Variants in TTC23 observed in about 807,000 individuals in gnomAD.
The protein encoded by TTC23 is tetratricopeptide repeat protein 23.
In TTC23, 58 loss-of-function variants were observed where a neutral mutation model predicts 55.1. That is an observed-to-expected ratio of 1.05 (90% CI 0.85 to 1.31). The LOEUF (loss-of-function observed/expected upper bound fraction) is 1.31. TTC23 is among the 50% of genes most tolerant of loss of function. TTC23 has a pLI of 0.00. For missense variants in TTC23, 516 were observed against 534.4 expected, an observed-to-expected ratio of 0.97 and a Z score of 0.34; for synonymous variants, 203 against 199.9, an observed-to-expected ratio of 1.02 and a Z score of -0.13.
chr15:99,148,778 G>A (rs2069311584), intron 12 of TTC23: 1 of 152,208 alleles, frequency 6.6e-6, no homozygotes, highest in Admixed American at 6.5e-5. Context: ...ACAAGTAGGT[G>A]AACTTTTGCT....
At chr15:99,207,574 C>T (rs186798546) in intron 8 of TTC23, among the ~76,000 whole-genome samples, 4 of 151,980 alleles carry the variant, frequency 2.6e-5, no homozygotes, top group Non-Finnish European at 5.9e-5. Flanking sequence ...AGCCTGGCCA[C>T]GGTGAAACCC....
chr15:99,179,224 A>G lies in TTC23; in HGVS notation c.760-4069T>C, dbSNP rs568631786. 8.6e-5 allele frequency among the ~76,000 whole-genome samples: 13 copies of G among 151,964 alleles called. No individual in the cohort carries two copies. The South Asian group carries it at 1.2e-3, about 15-fold the overall frequency. The stretch of plus-strand genomic sequence containing the variant: ...CTCAGGTGCCCAGTCCCTGGGTCAC[A>G]CTCCAGACCTCATCATCGCCCACTC... On this transcript the variant is annotated intron_variant, in intron 9 of 13. Transcript: ENST00000394132.
At chr15:99,187,469 C>CAA (rs1451783999) in intron 9 of TTC23, among the ~76,000 whole-genome samples, 6 of 110,646 alleles carry the variant, frequency 5.4e-5, no homozygotes, top group African/African-American at 1.0e-4. Flanking sequence ...AAAAAAAAAA[C>CAA]AAAACAAAAG....
chr15:99,202,867 C>T (rs2076310077), intron 8 of TTC23, among the ~76,000 whole-genome samples: 2 of 152,178 alleles, frequency 1.3e-5, no homozygotes, highest in African/African-American at 2.4e-5. Context: ...ACCTTGGTTC[C>T]GTCATCTGAA....
intron 4 of TTC23, among the ~76,000 whole-genome samples, chr15:99,230,952 A>G (rs1477426211): frequency 6.6e-6 from 1 of 152,364 alleles, no homozygotes; most frequent in South Asian, 2.1e-4. Context: ...GGCTGCTTCC[A>G]TATTACAATC....
rs782445445 is a variant in TTC23, at chr15:99,138,033, G to GGGCCT, written c.1316_1320dup (p.Thr444ProfsTer23). 3.1e-6 allele frequency: 5 copies of GGGCCT among 1,614,048 alleles called. No homozygotes were observed. In the Admixed American group the frequency reaches 8.3e-5, roughly 27 times the overall value. On this transcript the variant is annotated frameshift_variant, in exon 14 of 14. Coordinates refer to ENST00000394132, the MANE Select transcript of TTC23 (RefSeq NM_001288615.3). LOFTEE classifies it high-confidence loss of function. ...CCTCAGTCTGCTGTTGTGCCGGGCC[G>GGGCCT]GGCCTTCCCCAGCAGGGTGTCCTGA...
At chr15:99,194,469 C>A (rs751386226) in intron 9 of TTC23, among the ~76,000 whole-genome samples, 9 of 142,038 alleles carry the variant, frequency 6.3e-5, no homozygotes, top group Non-Finnish European at 1.4e-4. Context: ...GTCCACTGAT[C>A]TTTGGCAAAG....
At chr15:99,168,188 T>C (rs1014581348) in intron 10 of TTC23, among the ~76,000 whole-genome samples, 1 of 152,160 alleles carries the variant, frequency 6.6e-6, no homozygotes, top group African/African-American at 2.4e-5. Context: ...TGCTACTCAC[T>C]AGCTGTGTGA....
chr15:99,177,030 G>A (rs114992698), intron 9 of TTC23, among the ~76,000 whole-genome samples: 1 of 152,260 alleles, frequency 6.6e-6, no homozygotes, highest in African/African-American at 2.4e-5. Context: ...CATCCCAGTT[G>A]AGCATTCTAG....
intron 9 of TTC23, among the ~76,000 whole-genome samples, chr15:99,185,060 A>G (rs756646429): frequency 2.6e-5 from 4 of 152,116 alleles, no homozygotes; most frequent in Non-Finnish European, 5.9e-5. Context: ...AGGCCTCCCT[A>G]GTCATACAAA....
intron 12 of TTC23, among the ~76,000 whole-genome samples, chr15:99,152,011 T>C (rs184853597): frequency 1.3e-5 from 2 of 152,256 alleles, no homozygotes; most frequent in African/African-American, 4.8e-5. Flanking sequence ...CCCAATCTCA[T>C]GTTGAATTAT....
At chr15:99,158,693 C>T (rs186604564) in intron 11 of TTC23, 4 of 152,430 alleles carry the variant, frequency 2.6e-5, no homozygotes, top group East Asian at 1.9e-4. Flanking sequence ...CCTTCACTTA[C>T]ATTTTACCTT....
At chr15:99,141,968 T>C (rs781964972) in intron 12 of TTC23, among the ~76,000 whole-genome samples, 8 of 152,206 alleles carry the variant, frequency 5.3e-5, no homozygotes, top group Non-Finnish European at 1.2e-4. Flanking sequence ...CCTGTCCCTC[T>C]GTCCAACAAG....
chr15:99,171,298 G>A lies in TTC23; in HGVS notation c.865+3752C>T, dbSNP rs2072887707. Among the ~76,000 whole-genome samples the A allele has an allele frequency of 3.3e-5, 5 of 152,140 alleles. No individual in the cohort carries two copies. In the South Asian group the frequency reaches 1.0e-3, roughly 32 times the overall value. On this transcript the variant is annotated intron_variant, in intron 10 of 13. Coordinates refer to ENST00000394132, the MANE Select transcript of TTC23 (RefSeq NM_001288615.3). ...CCTAGGAGCACCATACAGACTGATG[G>A]GGACTTGGTCCTTTTGGGGTAGAAC...
chr15:99,248,519 C>T (rs1366227946), intron 1 of TTC23, among the ~76,000 whole-genome samples: 1 of 152,206 alleles, frequency 6.6e-6, no homozygotes, highest in Non-Finnish European at 1.5e-5. Flanking sequence ...TGAAATTCTG[C>T]CCATTGCTCA....
chr15:99,186,132 A>G (rs1193654776), intron 9 of TTC23, among the ~76,000 whole-genome samples: 1 of 152,248 alleles, frequency 6.6e-6, no homozygotes, highest in Admixed American at 6.5e-5. Flanking sequence ...AAAATGTTTA[A>G]TAATTACTGT....
At chr15:99,180,064 C>T (rs1031855591) in intron 9 of TTC23, among the ~76,000 whole-genome samples, 5 of 152,186 alleles carry the variant, frequency 3.3e-5, no homozygotes, top group African/African-American at 1.2e-4. Context: ...GCTTGCCTCT[C>T]CTGGATTTCT....
chr15:99,215,376 ATGAT>A (rs1466801021), intron 8 of TTC23, among the ~76,000 whole-genome samples: 1 of 152,128 alleles, frequency 6.6e-6, no homozygotes, highest in Non-Finnish European at 1.5e-5. Flanking sequence ...AAGTGGTTAA[ATGAT>A]TAATTTACAA....
At chr15:99,165,599 T>A (rs2071967597) in intron 10 of TTC23, among the ~76,000 whole-genome samples, 1 of 152,168 alleles carries the variant, frequency 6.6e-6, no homozygotes, top group African/African-American at 2.4e-5. Flanking sequence ...AACTGGATTC[T>A]TGTAACCCTC....
Sources: gnomAD v4.1 joint callset for allele counts (sites outside exome capture counted in the v4.1 genomes callset) on GRCh38, gnomAD v4.1.1 for gene constraint, MANE v1.5 for transcripts, NCBI Gene and HGNC (gene_info 2026-07-23, HGNC 2026-07-21) for gene names.